Variants in ITGA2B observed in about 807,000 individuals in gnomAD.
The protein encoded by ITGA2B is integrin alpha-IIb.
ITGA2B carries 91 observed loss-of-function variants against 142.0 expected under a neutral mutation model. The ratio of observed to expected loss-of-function variants is 0.64; its 90% confidence interval spans 0.54 to 0.76. ITGA2B has a LOEUF of 0.76. Among genes scored for constraint, ITGA2B ranks in the 30% least tolerant of loss-of-function variants. ITGA2B has a pLI of 0.00. For missense variants in ITGA2B, 1,231 were observed against 1,350.8 expected (o/e 0.91, Z 1.39); for synonymous variants, 536 against 567.2 (o/e 0.94, Z 0.78).
intron 27 of ITGA2B, 41 bp downstream of exon 27, chr17:44,374,957 G>T (rs759486426): frequency 2.6e-5 from 21 of 804,302 alleles, no homozygotes; most frequent in South Asian, 1.2e-4. Flanking sequence ...AGTGGTCCCC[G>T]CCCAGAAGGC....
At chr17:44,374,836 C>A in intron 27 of ITGA2B, 76 bp from the exon 28 acceptor site, 1 of 1,397,910 alleles carries the variant, frequency 7.2e-7, no homozygotes, top group Non-Finnish European at 1.0e-6. Context: ...TCCCACACCC[C>A]CGGCGGGGAA....
rs144776150 is a variant in ITGA2B at position 44,381,819 on chromosome 17, G to A, written c.1211-758C>T. ...TTTTTAAAAATTTTTATGGAGACGA[G>A]ATCTCCCTATGTTGGCCAGGCTGGT... On this transcript the variant is annotated intron_variant, in intron 12 of 29. Coordinates refer to ENST00000262407, the MANE Select transcript of ITGA2B (RefSeq NM_000419.5). Among the ~76,000 whole-genome samples, 349 of 151,584 alleles carry A rather than the reference G, an allele frequency of 2.3e-3. 2 individuals carry two copies. Among genetic ancestry groups the A allele is most frequent in the Non-Finnish European group, 3.6e-3 (246 of 67,908 alleles).
rs774338537 is a variant in ITGA2B at position 44,389,279 on chromosome 17, G to C, written c.188+7C>G. 1 of 1,613,984 alleles carries C rather than the reference G, an allele frequency of 6.2e-7. No individual in the cohort carries two copies. The highest frequency in any genetic ancestry group is 2.2e-5 in the East Asian group (1 of 44,868). On this transcript the variant is annotated splice_region_variant and intron_variant, in intron 1 of 29. Coordinates refer to ENST00000262407, the MANE Select transcript of ITGA2B (RefSeq NM_000419.5). ...CTCCCAATACCCCAACTTCCCTTAC[G>C]GCTCACCTCCCATGGCTGTCCTTGT...
At chr17:44,378,787 A>G in intron 18 of ITGA2B, 77 bp from the exon 19 acceptor site, 1 of 1,382,058 alleles carries the variant, frequency 7.2e-7, no homozygotes, top group Non-Finnish European at 1.0e-6. Flanking sequence ...TTAGGAAAAC[A>G]GTGGGCTTGG....
Position 44,386,113 on chromosome 17 carries a change from G to A in ITGA2B, c.207C>T (p.Gly69=), listed in dbSNP as rs375882355. 2.7e-4 allele frequency: 425 copies of A among 1,601,454 alleles called. 2 individuals are homozygous for A. The highest frequency in any genetic ancestry group is 1.7e-4 in the Middle Eastern group (1 of 6,052). The change falls in exon 2 of 30, where the codon GGC becomes GGT. Residue 69 remains glycine (G), a synonymous_variant. Coordinates refer to ENST00000262407, the MANE Select transcript of ITGA2B (RefSeq NM_000419.5). ...DSHGRVAIVV[G]APRTLGPSQE... ...GGCTGGGGCCCAGGGTCCGCGGGGC[G>A]CCCACCACGATGGCCACTCTGCATA... is the stretch of plus-strand genomic sequence containing the variant.
intron 29 of ITGA2B, 115 bp from the exon 30 acceptor site, chr17:44,372,538 G>T: frequency 1.2e-6 from 1 of 831,118 alleles, no homozygotes. Flanking sequence ...AGAACATGAA[G>T]CCCACTGTAC....
Position 44,375,593 on chromosome 17 carries a change from C to A in ITGA2B, c.2725G>T (p.Val909Leu). 1 of 1,614,048 alleles carries A rather than the reference C, an allele frequency of 6.2e-7. No individual in the cohort carries two copies. The highest frequency in any genetic ancestry group is 8.5e-7 in the Non-Finnish European group (1 of 1,179,992). ...CAGAGACCAGAGAGCCTGCTCACTA[C>A]GAGAACTGGATCCTGAAGCCTCGAG... ...QPSRLQDPVL[V>L]SCDSAPCTVV... Residue 909 changes from valine (V) to leucine (L), a missense_variant and splice_region_variant, in exon 26 of 30, where the codon GTA becomes TTA. Around this residue, in one of 3 missense-constraint regions of ITGA2B, gnomAD observed 908 missense variants for 1,021.1 expected, o/e 0.89. Transcript: ENST00000262407.
chr17:44,383,797 AGTGGATAC>A, intron 11 of ITGA2B, 89 bp downstream of exon 11: 2 of 1,564,352 alleles, frequency 1.3e-6, no homozygotes, highest in Non-Finnish European at 1.7e-6. Context: ...CTGTTCCTCC[AGTGGATAC>A]GTGAGACTAG....
At chr17:44,373,378 C>T (rs945434794) in intron 29 of ITGA2B, among the ~76,000 whole-genome samples, 2 of 152,124 alleles carry the variant, frequency 1.3e-5, no homozygotes, top group Non-Finnish European at 2.9e-5. Flanking sequence ...CCTCATGAAC[C>T]GCCCACCTCG....
At position 44,375,882 on chromosome 17, in the gene ITGA2B, G is replaced by A; in HGVS notation, c.2552C>T (p.Pro851Leu). The A allele has an allele frequency of 6.2e-7, 1 of 1,606,998 alleles. No homozygotes were observed. The highest frequency in any genetic ancestry group is 8.5e-7 in the Non-Finnish European group (1 of 1,177,058). The change falls in exon 25 of 30, where the codon CCC (proline) becomes CTC (leucine). Residue 851 changes from proline to leucine, a missense_variant. Around this residue, in one of 3 missense-constraint regions of ITGA2B, gnomAD observed 908 missense variants for 1,021.1 expected, o/e 0.89. Transcript: ENST00000262407. ...SDLLYILDIQ[P>L]QGGLQCFPQP... Reference sequence around the variant, plus strand: ...TGGGAAGCACTGAAGGCCCCCCTGGGGCTGTATATCCAGGATGTAGAGCAG... The same window carrying A: ...TGGGAAGCACTGAAGGCCCCCCTGGAGCTGTATATCCAGGATGTAGAGCAG...
At position 44,384,123 on chromosome 17, in the gene ITGA2B, A is replaced by C; in HGVS notation, c.907T>G (p.Ser303Ala). 6.2e-7 allele frequency: 1 copy of C among 1,613,686 alleles called. No individual in the cohort carries two copies. The highest frequency in any genetic ancestry group is 8.5e-7 in the Non-Finnish European group (1 of 1,179,918). Residue 303 changes from serine (S) to alanine (A), a missense_variant, in exon 10 of 30, where the codon TCC becomes GCC. Physicochemically the swap from Ser to Ala is moderately conservative, Grantham distance 99. Coordinates refer to ENST00000262407, the MANE Select transcript of ITGA2B (RefSeq NM_000419.5). ...WTLGAVEILDSYYQRLHRLRG... is the reference protein window; with the variant it reads ...WTLGAVEILDAYYQRLHRLRG... Reference sequence around the variant, plus strand: ...AGCCGATGCAGCCTCTGGTAGTAGGAATCCAAAATTTCCACCTGCACGGAC... The same window carrying C: ...AGCCGATGCAGCCTCTGGTAGTAGGCATCCAAAATTTCCACCTGCACGGAC...
intron 1 of ITGA2B, among the ~76,000 whole-genome samples, chr17:44,388,386 C>T (rs1346748742): frequency 5.7e-5 from 7 of 123,210 alleles, no homozygotes; most frequent in Admixed American, 2.1e-4. Flanking sequence ...GACAGAGTTT[C>T]GCTCTCGTTG....
At chr17:44,373,423 A>G (rs1278913862) in intron 29 of ITGA2B, among the ~76,000 whole-genome samples, 1 of 152,194 alleles carries the variant, frequency 6.6e-6, no homozygotes, top group Non-Finnish European at 1.5e-5. Flanking sequence ...GGTGTGAGCC[A>G]CCACGCCCAG....
intron 20 of ITGA2B, 60 bp from the exon 21 acceptor site, chr17:44,377,850 C>A (rs1044797506): frequency 4.0e-6 from 5 of 1,253,682 alleles, no homozygotes; most frequent in Non-Finnish European, 4.6e-6. Flanking sequence ...TATTTAAGCT[C>A]CCTTGGAAGG....
chr17:44,380,179 G>C (rs764155475), intron 16 of ITGA2B, 26 bp from the exon 17 acceptor site: 5 of 1,613,158 alleles, frequency 3.1e-6, no homozygotes, highest in South Asian at 1.1e-5. Flanking sequence ...GAAGAGTCAG[G>C]ACCTCCCTGG....
At chr17:44,381,704 G>T (rs1807046877) in intron 12 of ITGA2B, among the ~76,000 whole-genome samples, 2 of 151,624 alleles carry the variant, frequency 1.3e-5, no homozygotes, top group African/African-American at 2.4e-5. Context: ...TGCAACCATG[G>T]CTTACTGCAG....
At position 44,385,474 on chromosome 17, in the gene ITGA2B, G is replaced by T. The variant is rs574152128; in HGVS notation, c.574+77C>A. On this transcript the variant is annotated intron_variant, in intron 4 of 29. Transcript: ENST00000262407. ...GGCCAGATCCAAAGCAAGGGCTGCGGCGCTGGGGGCGGGATCCGATGGGGG... is the reference window on the plus strand; with the variant it reads ...GGCCAGATCCAAAGCAAGGGCTGCGTCGCTGGGGGCGGGATCCGATGGGGG... 2.0e-6 allele frequency: 3 copies of T among 1,524,966 alleles called. No individual in the cohort carries two copies. The Admixed American group carries it at 5.9e-5, about 30-fold the overall frequency. 94.5% of individuals were successfully genotyped at this position (1,524,966 alleles called of 1,614,324 possible).
chr17:44,377,823 A>G (rs1042737171), intron 20 of ITGA2B, 33 bp from the exon 21 acceptor site: 2 of 1,357,292 alleles, frequency 1.5e-6, no homozygotes, highest in Non-Finnish European at 2.0e-6. Context: ...AAGAAATTAC[A>G]GAGCATCATA....
At chr17:44,386,329 C>T (rs1157898438) in intron 1 of ITGA2B, among the ~76,000 whole-genome samples, 198 bp from the exon 2 acceptor site, 1 of 152,214 alleles carries the variant, frequency 6.6e-6, no homozygotes, top group East Asian at 1.9e-4. Context: ...AGGGCAATCA[C>T]GTGGCTAAAG....
Sources: gnomAD v4.1 joint callset for allele counts (sites outside exome capture counted in the v4.1 genomes callset) on GRCh38, gnomAD v4.1.1 for gene constraint, gnomAD v4.1.1 regional missense constraint, MANE v1.5 for transcripts, NCBI Gene and HGNC (gene_info 2026-07-23, HGNC 2026-07-21) for gene names.